Variants in RBFOX1 observed in about 807,000 individuals in gnomAD.
RBFOX1 encodes RNA binding fox-1 homolog 1.
RBFOX1 carries 8 observed loss-of-function variants against 57.7 expected under a neutral mutation model. The ratio of observed to expected loss-of-function variants is 0.14; its 90% CI spans 0.08 to 0.25. The LOEUF (loss-of-function observed/expected upper bound fraction) is 0.25. Among genes scored for constraint, RBFOX1 ranks in the 10% least tolerant of loss-of-function variants. The pLI is 1.00. For synonymous variants in RBFOX1, 326 were observed against 222.4 expected (o/e 1.47, Z -4.15); for missense variants, 611 against 548.5 (o/e 1.11, Z -1.14).
intron 3 of RBFOX1, among the ~76,000 whole-genome samples, chr16:6,895,311 T>G (rs2153388504): frequency 6.6e-6 from 1 of 151,402 alleles, no homozygotes; most frequent in East Asian, 1.9e-4. Flanking sequence ...TATATAAAAC[T>G]GGTTCCATTC....
intron 1 of RBFOX1, among the ~76,000 whole-genome samples, chr16:5,465,412 C>G (rs2151606065): frequency 6.6e-6 from 1 of 152,276 alleles, no homozygotes; most frequent in Middle Eastern, 3.4e-3. Context: ...CAATTACGTT[C>G]AGAAGTCCTA....
rs576876858 is a variant in RBFOX1, at chr16:6,199,368, TG to T, written c.-126-117626del. Among the ~76,000 whole-genome samples, 180 of 152,314 alleles carry T rather than the reference TG, an allele frequency of 1.2e-3. 2 individuals are homozygous for T. Among genetic ancestry groups the T allele is most frequent in the African/African-American group, 3.8e-3 (157 of 41,582 alleles). On this transcript the variant is annotated intron_variant, in intron 1 of 15. Coordinates refer to ENST00000550418, the MANE Select transcript of RBFOX1 (RefSeq NM_018723.4). ...GGTCTACATCACATTTTCTAGTTCA[TG>T]AAAGTCAAATGAGCTGTGACCATAG...
At position 7,145,792 on chromosome 16, in the gene RBFOX1, C is replaced by T. The variant is rs560419945; in HGVS notation, c.27+93694C>T. Among the ~76,000 whole-genome samples the T allele has an allele frequency of 3.0e-4, 46 of 152,258 alleles. No homozygotes were observed. In the East Asian group the frequency reaches 7.9e-3, roughly 26 times the overall value. On this transcript the variant is annotated intron_variant, in intron 4 of 15. Transcript: ENST00000550418. ...AAAATCATGTATGAGTCTCCCTATACCTCTCTCTGTTTGTGTTCCCGCACA... is the reference window on the plus strand; with the variant it reads ...AAAATCATGTATGAGTCTCCCTATATCTCTCTCTGTTTGTGTTCCCGCACA...
intron 4 of RBFOX1, among the ~76,000 whole-genome samples, chr16:5,975,308 C>T (rs2060039610): frequency 1.3e-5 from 2 of 152,282 alleles, no homozygotes; most frequent in Middle Eastern, 3.4e-3. Flanking sequence ...TGGAGCAATA[C>T]ATCACCCAAG....
intron 1 of RBFOX1, among the ~76,000 whole-genome samples, chr16:5,430,264 C>G (rs2067689761): frequency 6.6e-6 from 1 of 152,100 alleles, no homozygotes; most frequent in South Asian, 2.1e-4. Flanking sequence ...GTGGTGGGGC[C>G]TGACCTGGGG....
At chr16:6,712,879 G>A (rs930875035) in intron 3 of RBFOX1, among the ~76,000 whole-genome samples, 42 of 135,068 alleles carry the variant, frequency 3.1e-4, no homozygotes, top group African/African-American at 1.1e-3. Context: ...TGAATCATGG[G>A]GGTGTTTTTT....
chr16:5,702,393 C>T (rs955541369), intron 3 of RBFOX1, among the ~76,000 whole-genome samples: 2 of 152,192 alleles, frequency 1.3e-5, no homozygotes, highest in Admixed American at 1.3e-4. Context: ...CCCCATGATG[C>T]AGTCACCTCC....
intron 3 of RBFOX1, among the ~76,000 whole-genome samples, chr16:6,675,094 T>TG (rs1241549142): frequency 6.6e-6 from 1 of 151,930 alleles, no homozygotes; most frequent in Non-Finnish European, 1.5e-5. Flanking sequence ...TTTGTAGAGA[T>TG]GGGGTTTCAC....
chr16:7,103,104 A>T (rs1044278123), intron 4 of RBFOX1, among the ~76,000 whole-genome samples: 11 of 152,086 alleles, frequency 7.2e-5, no homozygotes, highest in Non-Finnish European at 1.6e-4. Context: ...TGTTTCTGAA[A>T]AGTGTGGGTG....
intron 14 of RBFOX1, among the ~76,000 whole-genome samples, chr16:7,699,098 A>T (rs906608184): frequency 6.6e-6 from 1 of 152,134 alleles, no homozygotes; most frequent in Admixed American, 6.5e-5. Flanking sequence ...AAGTCCGGAG[A>T]GGGAGCCTGG....
At chr16:5,883,538 G>T (rs986987051) in intron 4 of RBFOX1, among the ~76,000 whole-genome samples, 6 of 151,892 alleles carry the variant, frequency 4.0e-5, no homozygotes, top group African/African-American at 1.2e-4. Context: ...CAGTCCCAAC[G>T]TTGGACTGCT....
chr16:5,815,145 A>T (rs1014440325), intron 3 of RBFOX1, among the ~76,000 whole-genome samples: 3 of 130,662 alleles, frequency 2.3e-5, no homozygotes, highest in Non-Finnish European at 4.7e-5. Context: ...AGGCCTGGCT[A>T]ATTTAATTTA....
intron 4 of RBFOX1, among the ~76,000 whole-genome samples, chr16:7,346,883 T>C (rs911419604): frequency 6.6e-5 from 10 of 152,134 alleles, no homozygotes; most frequent in Admixed American, 6.5e-4. Context: ...GGAACAGAAC[T>C]CAATCCTGTC....
At chr16:6,579,743 C>T (rs1297399186) in intron 2 of RBFOX1, among the ~76,000 whole-genome samples, 1 of 151,988 alleles carries the variant, frequency 6.6e-6, no homozygotes, top group Non-Finnish European at 1.5e-5. Flanking sequence ...GACTAATACA[C>T]TTGGCTAATT....
intron 4 of RBFOX1, among the ~76,000 whole-genome samples, chr16:7,187,419 G>A (rs542242161): frequency 1.2e-3 from 186 of 152,026 alleles, no homozygotes; most frequent in African/African-American, 4.3e-3. Context: ...GCCAGGCACG[G>A]TGGCTCACGC....
chr16:7,079,916 G>T (rs1382035856), intron 4 of RBFOX1, among the ~76,000 whole-genome samples: 2 of 151,728 alleles, frequency 1.3e-5, no homozygotes, highest in Admixed American at 6.6e-5. Flanking sequence ...TGGGTGGATG[G>T]TGGTGATGGT....
At chr16:7,634,728 C>G (rs538765123) in intron 11 of RBFOX1, among the ~76,000 whole-genome samples, 3 of 152,240 alleles carry the variant, frequency 2.0e-5, no homozygotes, top group Admixed American at 1.3e-4. Context: ...CTCCGTCACC[C>G]CTGAACTTCA....
In RBFOX1 at chr16:6,995,302, G is replaced by GTGTGTC. The variant is rs1247923111; in HGVS notation, c.-15-56750_-15-56749insCTGTGT. Among the ~76,000 whole-genome samples, 13 of 131,944 alleles carry GTGTGTC rather than the reference G, an allele frequency of 9.9e-5. No individual in the cohort carries two copies. The South Asian group carries it at 3.0e-3, about 31-fold the overall frequency. 86.6% of individuals were successfully genotyped at this position (131,944 alleles called of 152,430 possible). Reference sequence around the variant, plus strand: ...TCTGAAAGTAGCCTTGTGTGTGTGTGTGTGTGTGTGTGTGTGTGTGTGTGT... The same window carrying GTGTGTC: ...TCTGAAAGTAGCCTTGTGTGTGTGTGTGTGTCTGTGTGTGTGTGTGTGTGTGTGTGT... On this transcript the variant is annotated intron_variant, in intron 3 of 15. Coordinates refer to ENST00000550418, the MANE Select transcript of RBFOX1 (RefSeq NM_018723.4).
intron 1 of RBFOX1, among the ~76,000 whole-genome samples, chr16:5,432,457 T>G (rs959478336): frequency 1.3e-5 from 2 of 152,096 alleles, no homozygotes; most frequent in Non-Finnish European, 1.5e-5. Context: ...TGTCTATTGC[T>G]TTTTATTGGT....
Sources: allele counts gnomAD v4.1 joint callset (sites outside exome capture counted in the v4.1 genomes callset), GRCh38; gene constraint gnomAD v4.1.1; transcripts MANE v1.5; gene names NCBI Gene and HGNC (gene_info 2026-07-23, HGNC 2026-07-21).